The following PLAGL2 variants were observed in gnomAD, a reference collection of about 807,000 sequenced individuals.
The protein encoded by PLAGL2 is PLAG1 like zinc finger 2.
Under a neutral mutation model 29.0 loss-of-function variants are expected in PLAGL2, and 7 were observed. The ratio of observed to expected loss-of-function variants is 0.24; its 90% confidence interval spans 0.14 to 0.45. PLAGL2 has a LOEUF of 0.45. PLAGL2 is among the 20% of genes least tolerant of loss of function. The probability of loss-of-function intolerance (pLI) is 0.99; values close to 1 mark genes in which losing one functional copy is unlikely to be tolerated. For missense variants in PLAGL2, 454 were observed against 648.2 expected, an observed-to-expected ratio of 0.70 and a Z score of 3.25; for synonymous variants, 234 against 266.0, an observed-to-expected ratio of 0.88 and a Z score of 1.17.
chr20:32,192,949 T>A lies in PLAGL2; in HGVS notation c.*3503A>T, dbSNP rs1055017668. ...CTATGGAGGCACTAGGTTATCATGG[T>A]GAACACCCTTTTCCCTCGCCATAGA... On this transcript the variant is annotated 3_prime_UTR_variant, in exon 3 of 3. Transcript: ENST00000246229. 1 of 152,560 alleles carries A rather than the reference T, an allele frequency of 6.6e-6. No homozygotes were observed. Among genetic ancestry groups the A allele is most frequent in the African/African-American group, 2.4e-5 (1 of 41,418 alleles). The allele number at this position is 152,560 out of a possible 1,614,324, so 9.5% of individuals were successfully genotyped here.
rs1210460308 is a variant in PLAGL2, at chr20:32,196,643, T to A, written c.1300A>T (p.Thr434Ser). ...NLPPCNPPGA[T>S]GGLVMGYSQA... ...GAGTAGCCCATGACCAGGCCTCCTG[T>A]GGCCCCAGGTGGGTTACACGGGGGC... Residue 434 changes from threonine (T) to serine (S), a missense_variant, in exon 3 of 3, where the codon ACA becomes TCA. By Grantham distance (58) the Thr-to-Ser change is moderately conservative. Coordinates refer to ENST00000246229, the MANE Select transcript of PLAGL2 (RefSeq NM_002657.3). 1 of 1,531,140 alleles carries A rather than the reference T, an allele frequency of 6.5e-7. No individual in the cohort carries two copies. 94.8% of individuals were successfully genotyped at this position (1,531,140 alleles called of 1,614,324 possible).
rs1437204909 is a variant in PLAGL2, at chr20:32,195,516, T to C, written c.*936A>G. Reference sequence around the variant, plus strand: ...ATAATGTACTTGGAGAAAAACAGAATTGCAGACCTGTGAGAAAACTGCTCC... The same window carrying C: ...ATAATGTACTTGGAGAAAAACAGAACTGCAGACCTGTGAGAAAACTGCTCC... On this transcript the variant is annotated 3_prime_UTR_variant, in exon 3 of 3. Transcript: ENST00000246229. 5 of 152,652 alleles carry C rather than the reference T, an allele frequency of 3.3e-5. No homozygotes were observed. Among genetic ancestry groups the C allele is most frequent in the Non-Finnish European group, 7.3e-5 (5 of 68,034 alleles). 9.5% of individuals were successfully genotyped at this position (152,652 alleles called of 1,614,324 possible). A position where few individuals can be genotyped will look rare whatever the true frequency, so the allele number is the denominator to read the frequency against.
chr20:32,201,257 C>T (rs1052402984), intron 2 of PLAGL2, among the ~76,000 whole-genome samples: 6 of 152,144 alleles, frequency 3.9e-5, no homozygotes, highest in African/African-American at 1.4e-4. Flanking sequence ...TTCTGACCAT[C>T]ACCTGACAAA....
intron 1 of PLAGL2, among the ~76,000 whole-genome samples, chr20:32,205,701 GC>G (rs2047282937): frequency 6.6e-6 from 1 of 152,152 alleles, no homozygotes; most frequent in Non-Finnish European, 1.5e-5. Context: ...TCACAGGCTT[GC>G]TGTAAGGATT....
chr20:32,203,927 G>C (rs1242255364), intron 1 of PLAGL2, among the ~76,000 whole-genome samples: 2 of 152,190 alleles, frequency 1.3e-5, no homozygotes, highest in Non-Finnish European at 2.9e-5. Flanking sequence ...CTGGGGAGGG[G>C]TAGGTAGCAC....
intron 2 of PLAGL2, among the ~76,000 whole-genome samples, chr20:32,199,736 A>T (rs893582834): frequency 1.3e-5 from 2 of 152,158 alleles, no homozygotes; most frequent in East Asian, 3.9e-4. Context: ...GCTACTCAGG[A>T]GGCTGAGGCA....
chr20:32,206,924 G>C (rs1330671372), intron 1 of PLAGL2, among the ~76,000 whole-genome samples: 2 of 152,112 alleles, frequency 1.3e-5, no homozygotes, highest in African/African-American at 2.4e-5. Context: ...GGAATCATGA[G>C]CAACTTTCCT....
In PLAGL2 at chr20:32,197,086, G is replaced by A; in HGVS notation, c.857C>T (p.Thr286Ile). 1.2e-6 allele frequency: 2 copies of A among 1,614,178 alleles called. No individual in the cohort carries two copies. Among genetic ancestry groups the A allele is most frequent in the Non-Finnish European group, 1.7e-6 (2 of 1,180,024 alleles). Reference sequence around the variant, plus strand: ...GGGCAACATGCCAGGGAAGGCCTTGGTCCCCATTACGTCCCGAGAGGCCAT... The same window carrying A: ...GGGCAACATGCCAGGGAAGGCCTTGATCCCCATTACGTCCCGAGAGGCCAT... Reference protein sequence around the residue: ...LCMASRDVMGTKAFPGMLPMG... With the variant: ...LCMASRDVMGIKAFPGMLPMG... Residue 286 changes from threonine to isoleucine, a missense_variant, in exon 3 of 3, where the codon ACC becomes ATC. Thr to Ile is a moderately conservative substitution (Grantham distance 89, BLOSUM62 -1). This residue lies in a region of PLAGL2 where 247 missense variants were observed against 350.3 expected (regional missense o/e 0.71). Coordinates refer to ENST00000246229, the MANE Select transcript of PLAGL2 (RefSeq NM_002657.3). This position sits in a 1 kb window ranked among gnomAD's most constrained non-coding sequence, Gnocchi z 6.6.
Position 32,201,509 on chromosome 20 carries a change from AG to A in PLAGL2, c.260+409del, listed in dbSNP as rs143687278. Among the ~76,000 whole-genome samples, 671 of 152,306 alleles carry A rather than the reference AG, an allele frequency of 4.4e-3. 4 individuals are homozygous for A. Among genetic ancestry groups the A allele is most frequent in the African/African-American group, 0.015 (617 of 41,558 alleles). ...TGAGTCAAGAGAATCACTTGAGCCCAGGAATTGGAGGCTGCAGTGAGCTGAT... is the reference window on the plus strand; with the variant it reads ...TGAGTCAAGAGAATCACTTGAGCCCAGAATTGGAGGCTGCAGTGAGCTGAT... On this transcript the variant is annotated intron_variant, in intron 2 of 2. Coordinates refer to ENST00000246229, the MANE Select transcript of PLAGL2 (RefSeq NM_002657.3).
Position 32,192,785 on chromosome 20 carries a change from G to A in PLAGL2, c.*3667C>T, listed in dbSNP as rs150375377. 2,850 of 152,704 alleles carry A rather than the reference G, an allele frequency of 0.019. 128 individuals are homozygous for A. The highest frequency in any genetic ancestry group is 0.1 in the Admixed American group (1,599 of 15,294). 9.5% of individuals were successfully genotyped at this position (152,704 alleles called of 1,614,324 possible). A position where few individuals can be genotyped will look rare whatever the true frequency, so the allele number is the denominator to read the frequency against. ...AAAGAGTGGCTCCAAAGCCTTGACC[G>A]CTGGTAGGGAGGGAGAAGCATGAGA... On this transcript the variant is annotated 3_prime_UTR_variant, in exon 3 of 3. Coordinates refer to ENST00000246229, the MANE Select transcript of PLAGL2 (RefSeq NM_002657.3).
chr20:32,193,941 A>G lies in PLAGL2; in HGVS notation c.*2511T>C, dbSNP rs888625987. 10 of 152,882 alleles carry G rather than the reference A, an allele frequency of 6.5e-5. No homozygotes were observed. Among genetic ancestry groups the G allele is most frequent in the Non-Finnish European group, 2.9e-5 (2 of 68,204 alleles). The allele number at this position is 152,882 out of a possible 1,614,324, so 9.5% of individuals were successfully genotyped here. On this transcript the variant is annotated 3_prime_UTR_variant, in exon 3 of 3. Transcript: ENST00000246229. ...GGTGCTGAGGACACTGAGAGGAGGA[A>G]AGGAAAGACAGGATAGATGGGAGGA...
chr20:32,202,956 C>G (rs2047267198), intron 1 of PLAGL2, among the ~76,000 whole-genome samples: 1 of 152,192 alleles, frequency 6.6e-6, no homozygotes. Context: ...CCATCCTGAC[C>G]ACCACCACTT....
chr20:32,206,463 C>T (rs1293605989), intron 1 of PLAGL2, among the ~76,000 whole-genome samples: 1 of 152,210 alleles, frequency 6.6e-6, no homozygotes, highest in African/African-American at 2.4e-5. Flanking sequence ...GCCTCCCACT[C>T]CTGGGGAGGC....
At chr20:32,198,539 C>CTAAG (rs1287152632) in intron 2 of PLAGL2, among the ~76,000 whole-genome samples, 14 of 152,234 alleles carry the variant, frequency 9.2e-5, no homozygotes, top group Non-Finnish European at 4.4e-5. Flanking sequence ...ACTCAAGAGG[C>CTAAG]TAAGGCAGGA....
At chr20:32,199,850 A>G (rs2047249800) in intron 2 of PLAGL2, among the ~76,000 whole-genome samples, 1 of 152,110 alleles carries the variant, frequency 6.6e-6, no homozygotes, top group Admixed American at 6.5e-5. Flanking sequence ...AAAAAAAAGA[A>G]AAAAAAGAAA....
chr20:32,202,437 T>A (rs1294719896), intron 1 of PLAGL2, 145 bp from the exon 2 acceptor site: 1 of 527,600 alleles, frequency 1.9e-6, no homozygotes, highest in African/African-American at 1.9e-5. Flanking sequence ...CTGAGCTGTT[T>A]CCTCATTTAT....
Position 32,192,550 on chromosome 20 carries a change from CTTT to C in PLAGL2, c.*3899_*3901del, listed in dbSNP as rs1322172591. The C allele has an allele frequency of 6.6e-6, 1 of 152,496 alleles. No homozygotes were observed. The highest frequency in any genetic ancestry group is 1.9e-4 in the East Asian group (1 of 5,194). The allele number at this position is 152,496 out of a possible 1,614,324, so 9.4% of individuals were successfully genotyped here. A position where few individuals can be genotyped will look rare whatever the true frequency, so the allele number is the denominator to read the frequency against. On this transcript the variant is annotated 3_prime_UTR_variant, in exon 3 of 3. Coordinates refer to ENST00000246229, the MANE Select transcript of PLAGL2 (RefSeq NM_002657.3). ...TAATAAACAACTTCATTATAAAAAC[CTTT>C]TTTTGAAAATGTAATTCTGTAAAAC...
At position 32,197,578 on chromosome 20, in the gene PLAGL2, G is replaced by A. The variant is rs564738793; in HGVS notation, c.365C>T (p.Pro122Leu). 1 of 1,614,212 alleles carries A rather than the reference G, an allele frequency of 6.2e-7. No individual in the cohort carries two copies. The highest frequency in any genetic ancestry group is 2.2e-5 in the East Asian group (1 of 44,878). ...AGAGCAGTGGAGGGCCTCTTTGTTA[G>A]GATCATGGGTCTGCAGATGGTTCCG... ...HLRNHLQTHDPNKEALHCSEC... is the reference protein window; with the variant it reads ...HLRNHLQTHDLNKEALHCSEC... Residue 122 changes from proline (P) to leucine (L), a missense_variant, in exon 3 of 3, where the codon CCT becomes CTT. Coordinates refer to ENST00000246229, the MANE Select transcript of PLAGL2 (RefSeq NM_002657.3). This position sits in a 1 kb window ranked among gnomAD's most constrained non-coding sequence, Gnocchi z 6.6.
At chr20:32,198,815 C>T (rs977817748) in intron 2 of PLAGL2, among the ~76,000 whole-genome samples, 26 of 152,136 alleles carry the variant, frequency 1.7e-4, no homozygotes, top group African/African-American at 6.3e-4. Context: ...CACCAGCTGC[C>T]TTTGGGGAGA....
Sources: gnomAD v4.1 joint callset for allele counts (sites outside exome capture counted in the v4.1 genomes callset) on GRCh38, gnomAD v4.1.1 for gene constraint, gnomAD v4.1.1 regional missense constraint, Gnocchi (gnomAD v3.1) non-coding constraint, MANE v1.5 for transcripts, NCBI Gene and HGNC (gene_info 2026-07-23, HGNC 2026-07-21) for gene names.